The following TFCP2L1 variants were observed in gnomAD, a reference collection of about 807,000 sequenced individuals.
The protein encoded by TFCP2L1 is transcription factor CP2-like protein 1.
TFCP2L1 carries 12 observed loss-of-function variants against 72.2 expected under a neutral mutation model. The observed-to-expected ratio is 0.17, with a 90% confidence interval of 0.11 to 0.27. TFCP2L1 has a LOEUF of 0.27. Ranked by LOEUF, TFCP2L1 falls within the 10% of genes least tolerant of loss-of-function variation. The pLI is 1.00. For synonymous variants in TFCP2L1, 260 were observed against 251.0 expected (o/e 1.04, Z -0.34); for missense variants, 488 against 624.6 (o/e 0.78, Z 2.33).
intron 7 of TFCP2L1, chr2:121,240,045 T>C (rs547581751): frequency 1.0e-6 from 1 of 985,302 alleles, no homozygotes. Flanking sequence ...TAGGGAGTAC[T>C]GGACCACAGG....
At chr2:121,241,434 T>C (rs988266705) in intron 7 of TFCP2L1, among the ~76,000 whole-genome samples, 6 of 151,970 alleles carry the variant, frequency 3.9e-5, no homozygotes, top group Non-Finnish European at 7.4e-5. Context: ...GAGATGAAGG[T>C]TGCAGTGAGC....
At chr2:121,282,463 T>C (rs2104774746) in intron 1 of TFCP2L1, among the ~76,000 whole-genome samples, 1 of 151,148 alleles carries the variant, frequency 6.6e-6, no homozygotes, top group Admixed American at 6.6e-5. Flanking sequence ...AGAAGACTGC[T>C]TGAAGCCAGG....
intron 4 of TFCP2L1, among the ~76,000 whole-genome samples, chr2:121,248,624 G>C (rs567586240): frequency 6.6e-6 from 1 of 152,224 alleles, no homozygotes; most frequent in South Asian, 2.1e-4. Context: ...AGGACTGTGG[G>C]CCAGTCCCTG....
chr2:121,273,595 T>C (rs1241449479), intron 2 of TFCP2L1, among the ~76,000 whole-genome samples: 1 of 152,206 alleles, frequency 6.6e-6, no homozygotes, highest in African/African-American at 2.4e-5. Context: ...CCTCAAGGCA[T>C]TTGTTTGACA....
At chr2:121,269,481 C>T (rs2104748414) in intron 2 of TFCP2L1, among the ~76,000 whole-genome samples, 1 of 151,988 alleles carries the variant, frequency 6.6e-6, no homozygotes, top group East Asian at 1.9e-4. Flanking sequence ...TTATTATGGG[C>T]TGGGTGCAGT....
chr2:121,264,506 C>CCCCCTCGCAG (rs1558742052), intron 2 of TFCP2L1, among the ~76,000 whole-genome samples: 4 of 152,234 alleles, frequency 2.6e-5, no homozygotes, highest in African/African-American at 7.2e-5. Flanking sequence ...TCGCAGTCCC[C>CCCCCTCGCAG]TCCTGGGAGT....
chr2:121,246,557 G>C (rs1167432924), intron 6 of TFCP2L1, among the ~76,000 whole-genome samples: 1 of 152,232 alleles, frequency 6.6e-6, no homozygotes, highest in African/African-American at 2.4e-5. Flanking sequence ...CGACAGCCAG[G>C]ACGGACATCC....
intron 2 of TFCP2L1, among the ~76,000 whole-genome samples, chr2:121,250,608 CTT>C (rs56784430): frequency 0.051 from 6,959 of 137,108 alleles, 280 homozygotes; most frequent in East Asian, 0.12. Context: ...ATTGGCATAT[CTT>C]TTTTTTTTTT....
rs1217698930 is a variant in TFCP2L1, at chr2:121,221,087, G to A, written c.*3254C>T. 6.6e-6 allele frequency: 1 copy of A among 152,218 alleles called. No homozygotes were observed. Among genetic ancestry groups the A allele is most frequent in the Non-Finnish European group, 1.5e-5 (1 of 68,048 alleles). The allele number at this position is 152,218 out of a possible 1,614,324, so 9.4% of individuals were successfully genotyped here. ...AGTGACATCACTTGGGTACAGTGAT[G>A]ACAGACAGCCTAAGGGGCTGGACCT... On this transcript the variant is annotated 3_prime_UTR_variant, in exon 15 of 15. Transcript: ENST00000263707.
At position 121,233,772 on chromosome 2, in the gene TFCP2L1, A is replaced by C. The variant is rs372916840; in HGVS notation, c.1198+319T>G. ...AGCTGCATCAGGAGCAGTTTGAGGA[A>C]ACAAAAAGCTCCAGGGTGGGCATTC... On this transcript the variant is annotated intron_variant, in intron 12 of 14. Coordinates refer to ENST00000263707, the MANE Select transcript of TFCP2L1 (RefSeq NM_014553.3). Among the ~76,000 whole-genome samples, 10 of 152,216 alleles carry C rather than the reference A, an allele frequency of 6.6e-5. No homozygotes were observed. In the East Asian group the frequency reaches 7.7e-4, roughly 12 times the overall value.
At chr2:121,281,751 T>C (rs1687267796) in intron 1 of TFCP2L1, among the ~76,000 whole-genome samples, 3 of 152,192 alleles carry the variant, frequency 2.0e-5, no homozygotes, top group Non-Finnish European at 4.4e-5. Context: ...CCAGGCTCTG[T>C]AAACTATGCA....
chr2:121,235,425 T>C, intron 10 of TFCP2L1, 114 bp from the exon 11 acceptor site: 1 of 1,017,762 alleles, frequency 9.8e-7, no homozygotes. Context: ...AAGAGCCAGC[T>C]GCACTATCTC....
chr2:121,258,315 G>A (rs890536472), intron 2 of TFCP2L1, among the ~76,000 whole-genome samples: 7 of 152,090 alleles, frequency 4.6e-5, no homozygotes, highest in South Asian at 2.1e-4. Flanking sequence ...ATTAATAAGC[G>A]CCCAGCCACC....
At chr2:121,264,926 G>T (rs1262985138) in intron 2 of TFCP2L1, among the ~76,000 whole-genome samples, 1 of 152,136 alleles carries the variant, frequency 6.6e-6, no homozygotes, top group Non-Finnish European at 1.5e-5. Context: ...TTGGAAAACC[G>T]TCTGGCAGTT....
chr2:121,282,717 C>T (rs1236377963), intron 1 of TFCP2L1, among the ~76,000 whole-genome samples: 6 of 152,136 alleles, frequency 3.9e-5, no homozygotes, highest in East Asian at 1.9e-4. Context: ...CTCTTCCCTT[C>T]GTGGGTCCCT....
intron 13 of TFCP2L1, among the ~76,000 whole-genome samples, chr2:121,231,118 C>T (rs751459012): frequency 5.9e-5 from 9 of 152,128 alleles, no homozygotes; most frequent in African/African-American, 1.9e-4. Flanking sequence ...ATAATAATAA[C>T]ACCCACATCA....
rs566843945 is a variant in TFCP2L1, at chr2:121,285,190, G to C, written c.-81C>G. On this transcript the variant is annotated 5_prime_UTR_variant, in exon 1 of 15. Transcript: ENST00000263707. ...GCGCCGAGGACCCAGCGGCGGCTTCGCGCTCCGAACCCGCGGTGCCGGCCG... is the reference window on the plus strand; with the variant it reads ...GCGCCGAGGACCCAGCGGCGGCTTCCCGCTCCGAACCCGCGGTGCCGGCCG... The C allele has an allele frequency of 7.9e-7, 1 of 1,259,096 alleles. No individual in the cohort carries two copies. The highest frequency in any genetic ancestry group is 1.6e-5 in the African/African-American group (1 of 63,232). The allele number at this position is 1,259,096 out of a possible 1,614,324, so 78.0% of individuals were successfully genotyped here.
intron 2 of TFCP2L1, among the ~76,000 whole-genome samples, chr2:121,274,979 C>A (rs1687116423): frequency 1.3e-5 from 2 of 152,008 alleles, no homozygotes; most frequent in Admixed American, 1.3e-4. Flanking sequence ...TGGCTCAGCC[C>A]TATAGAACTT....
rs373057280 is a variant in TFCP2L1 at position 121,281,101 on chromosome 2, C to T, written c.214+19G>A. 1.8e-4 allele frequency: 285 copies of T among 1,613,698 alleles called. No homozygotes were observed. Among genetic ancestry groups the T allele is most frequent in the Non-Finnish European group, 2.0e-4 (240 of 1,179,980 alleles). ...ACTACTTCTGGGTTCCGCCCTGGCC[C>T]GGGGCCTCTGGCCACTACCTTGGTT... On this transcript the variant is annotated intron_variant, in intron 2 of 14. Coordinates refer to ENST00000263707, the MANE Select transcript of TFCP2L1 (RefSeq NM_014553.3).
Sources: gnomAD v4.1 joint callset for allele counts (sites outside exome capture counted in the v4.1 genomes callset) on GRCh38, gnomAD v4.1.1 for gene constraint, MANE v1.5 for transcripts, NCBI Gene and HGNC (gene_info 2026-07-23, HGNC 2026-07-21) for gene names.